The following WDR5 variants were observed in gnomAD, a reference collection of about 807,000 sequenced individuals.
The protein encoded by WDR5 is WD repeat-containing protein 5.
For missense variants in WDR5, 187 were observed against 416.9 expected (o/e 0.45, Z 4.80); for synonymous variants, 144 against 161.6 (o/e 0.89, Z 0.83).
intron 1 of WDR5, among the ~76,000 whole-genome samples, chr9:134,139,114 T>C (rs1304846576): frequency 3.3e-5 from 5 of 152,182 alleles, no homozygotes; most frequent in African/African-American, 9.6e-5. Context: ...TAGAATATCG[T>C]TGGTGTACTT....
intron 8 of WDR5, 131 bp downstream of exon 8, chr9:134,148,474 G>A: frequency 1.3e-6 from 1 of 777,558 alleles, no homozygotes; most frequent in Non-Finnish European, 2.1e-6. Flanking sequence ...CTTCTCTTCT[G>A]GCCACGCTGC....
rs1832716653 is a variant in WDR5, at chr9:134,155,709, C to T, written c.758C>T (p.Thr253Ile). 2 of 1,614,052 alleles carry T rather than the reference C, an allele frequency of 1.2e-6. No homozygotes were observed. The highest frequency in any genetic ancestry group is 1.7e-6 in the Non-Finnish European group (2 of 1,180,040). ...YSKGKCLKTY[T>I]GHKNEKYCIF... is the part of the protein sequence containing the mutation. The stretch of plus-strand genomic sequence containing the variant: ...CTGTTTCAGTGCCTGAAGACGTACA[C>T]TGGCCACAAGAATGAGAAATACTGC... The change falls in exon 12 of 14, where the codon ACT becomes ATT. Residue 253 changes from threonine to isoleucine, a missense_variant. Coordinates refer to ENST00000358625, the MANE Select transcript of WDR5 (RefSeq NM_017588.3).
At chr9:134,138,709 C>T (rs536143640) in intron 1 of WDR5, among the ~76,000 whole-genome samples, 60 of 152,314 alleles carry the variant, frequency 3.9e-4, no homozygotes, top group South Asian at 1.9e-3. Flanking sequence ...AATTTCTCTG[C>T]CTTCCTCTTG....
chr9:134,142,103 G>C, intron 5 of WDR5, 65 bp downstream of exon 5: 4 of 1,388,700 alleles, frequency 2.9e-6, no homozygotes, highest in Non-Finnish European at 4.0e-6. Flanking sequence ...AGGTGCGGGG[G>C]ACTGAGTTGA....
chr9:134,135,272 CT>C (rs917513357), upstream of WDR5: 1 of 152,200 alleles, frequency 6.6e-6, no homozygotes, highest in Admixed American at 6.5e-5. Flanking sequence ...CCTTAAGCCC[CT>C]GAGTCCTCCT....
chr9:134,141,092 G>A (rs959191306), intron 3 of WDR5, among the ~76,000 whole-genome samples: 2 of 152,130 alleles, frequency 1.3e-5, no homozygotes, highest in African/African-American at 2.4e-5. Flanking sequence ...GAGCAGCCTG[G>A]CCAATATGGT....
At chr9:134,154,635 G>C in intron 10 of WDR5, 94 bp downstream of exon 10, 1 of 1,392,762 alleles carries the variant, frequency 7.2e-7, no homozygotes, top group East Asian at 2.3e-5. Flanking sequence ...GCGTGTTGTG[G>C]GCTTGGCACG....
Position 134,142,315 on chromosome 9 carries a change from A to G in WDR5, c.355-18A>G, listed in dbSNP as rs369124078. The G allele has an allele frequency of 1.7e-5, 28 of 1,609,352 alleles. No homozygotes were observed. The African/African-American group carries it at 3.3e-4, about 19-fold the overall frequency. On this transcript the variant is annotated intron_variant, in intron 5 of 13. Coordinates refer to ENST00000358625, the MANE Select transcript of WDR5 (RefSeq NM_017588.3). ...GGGAAATAAGCACTGGAATAATCCT[A>G]ATAATACTCTGTTATAGGGCAAGTG...
intron 7 of WDR5, among the ~76,000 whole-genome samples, chr9:134,145,990 A>C (rs993313716): frequency 2.0e-5 from 3 of 147,106 alleles, no homozygotes; most frequent in Non-Finnish European, 3.0e-5. Context: ...TTTGAGACAG[A>C]GTCTCACTTT....
At chr9:134,140,092 C>T (rs1831801985) in intron 2 of WDR5, 134 bp downstream of exon 2, 2 of 1,054,242 alleles carry the variant, frequency 1.9e-6, no homozygotes, top group Non-Finnish European at 2.8e-6. Context: ...TTACTGACCG[C>T]ATATCTGGCG....
intron 3 of WDR5, among the ~76,000 whole-genome samples, 178 bp from the exon 4 acceptor site, chr9:134,141,332 G>A (rs1831876642): frequency 6.6e-6 from 1 of 152,138 alleles, no homozygotes; most frequent in South Asian, 2.1e-4. Context: ...CGTGGACCCT[G>A]GGAGGGAGGG....
At position 134,152,013 on chromosome 9, in the gene WDR5, C is replaced by T. The variant is rs1405059435; in HGVS notation, c.615C>T (p.Cys205=). ...TCTGGGACACCGCCTCAGGCCAGTG[C>T]CTGAAGACGCTCATCGGTGAGTGTG... ...CRIWDTASGQ[C]LKTLIDDDNP... is the part of the protein sequence containing the mutation. Residue 205 remains cysteine (C), a synonymous_variant, in exon 9 of 14, where the codon TGC becomes TGT. Transcript: ENST00000358625. 6.2e-7 allele frequency: 1 copy of T among 1,613,960 alleles called. No homozygotes were observed. The highest frequency in any genetic ancestry group is 1.3e-5 in the African/African-American group (1 of 74,950).
At chr9:134,135,754 C>CGCCACCT (rs1831504283), upstream of WDR5, 1 of 152,120 alleles carries the variant, frequency 6.6e-6, no homozygotes, top group Non-Finnish European at 1.5e-5. Context: ...CGCCGGGCGA[C>CGCCACCT]GCCACCTGCG....
chr9:134,136,853 C>A (rs1564185759), intron 1 of WDR5, among the ~76,000 whole-genome samples: 1 of 152,168 alleles, frequency 6.6e-6, no homozygotes, highest in Non-Finnish European at 1.5e-5. Flanking sequence ...GTCTCGCTTG[C>A]AAGTTTCCAC....
chr9:134,143,693 A>G (rs1451454410), intron 7 of WDR5, among the ~76,000 whole-genome samples: 3 of 151,880 alleles, frequency 2.0e-5, no homozygotes, highest in Non-Finnish European at 2.9e-5. Flanking sequence ...ATGCCTGGCT[A>G]ATTTTTTGTA....
In WDR5 at chr9:134,158,456, G is replaced by C. The variant is rs1415482140; in HGVS notation, c.*463G>C. On this transcript the variant is annotated 3_prime_UTR_variant, in exon 14 of 14. Transcript: ENST00000358625. ...CATTCTCTGCTGCGTAGATGCCCTG[G>C]CCCAGGGCCCTGACTCCTCCATTCC... 6.5e-6 allele frequency: 1 copy of C among 154,318 alleles called. No homozygotes were observed. Among genetic ancestry groups the C allele is most frequent in the East Asian group, 1.9e-4 (1 of 5,252 alleles). 9.6% of individuals were successfully genotyped at this position (154,318 alleles called of 1,614,324 possible). A position where few individuals can be genotyped will look rare whatever the true frequency, so the allele number is the denominator to read the frequency against.
At position 134,158,229 on chromosome 9, in the gene WDR5, A is replaced by G; in HGVS notation, c.*236A>G. The G allele has an allele frequency of 2.2e-6, 1 of 451,264 alleles. No individual in the cohort carries two copies. Among genetic ancestry groups the G allele is most frequent in the South Asian group, 3.6e-5 (1 of 27,656 alleles). The allele number at this position is 451,264 out of a possible 1,614,324, so 28.0% of individuals were successfully genotyped here. Reference sequence around the variant, plus strand: ...TAACACTGTCTAGGGAAGAGTTCCTAGTCTATTGTGTTCAAACAGAGTCAA... The same window carrying G: ...TAACACTGTCTAGGGAAGAGTTCCTGGTCTATTGTGTTCAAACAGAGTCAA... On this transcript the variant is annotated 3_prime_UTR_variant, in exon 14 of 14. Coordinates refer to ENST00000358625, the MANE Select transcript of WDR5 (RefSeq NM_017588.3).
intron 7 of WDR5, among the ~76,000 whole-genome samples, chr9:134,144,916 G>C (rs970332085): frequency 6.6e-6 from 1 of 152,062 alleles, no homozygotes; most frequent in African/African-American, 2.4e-5. Context: ...GCTGCCAGGA[G>C]GTGGAGTCGG....
intron 12 of WDR5, 151 bp downstream of exon 12, chr9:134,155,918 C>T (rs28714237): frequency 0.012 from 8,428 of 724,350 alleles, 114 homozygotes; most frequent in Middle Eastern, 0.026. Context: ...CGCCAAGTAC[C>T]GGGGACACCT....
Sources: gnomAD v4.1 joint callset for allele counts (sites outside exome capture counted in the v4.1 genomes callset) on GRCh38, gnomAD v4.1.1 for gene constraint, MANE v1.5 for transcripts, NCBI Gene and HGNC (gene_info 2026-07-23, HGNC 2026-07-21) for gene names.